Variants in ABLIM1 observed in about 807,000 individuals in gnomAD.
The protein encoded by ABLIM1 is actin-binding LIM protein 1.
In ABLIM1, 40 loss-of-function variants were observed where a neutral mutation model predicts 107.0. The observed-to-expected ratio is 0.37, with a 90% CI of 0.29 to 0.49. ABLIM1 has a LOEUF of 0.49. Ranked by LOEUF, ABLIM1 falls within the 20% of genes least tolerant of loss-of-function variation. The probability of loss-of-function intolerance (pLI) is 0.97; values close to 1 mark genes in which losing one functional copy is unlikely to be tolerated. For synonymous variants in ABLIM1, 357 were observed against 357.3 expected, an observed-to-expected ratio of 1.00 and a Z score of 0.01; for missense variants, 857 against 1,008.5, an observed-to-expected ratio of 0.85 and a Z score of 2.04.
the ABLIM1 span, among the ~76,000 whole-genome samples, chr10:114,780,057 G>A: frequency 2.6e-5 from 4 of 152,056 alleles, no homozygotes; most frequent in African/African-American, 7.2e-5. Context: ...ATAAATAAAA[G>A]GGCTGTGGCT....
At chr10:114,625,046 C>G (rs903640340) in intron 1 of ABLIM1, among the ~76,000 whole-genome samples, 1 of 152,108 alleles carries the variant, frequency 6.6e-6, no homozygotes, top group East Asian at 1.9e-4. Context: ...AAACTTGTAG[C>G]CTTGTAGTGT....
chr10:114,613,694 G>A, intron 1 of ABLIM1: 1 of 1,323,634 alleles, frequency 7.6e-7, no homozygotes, highest in Non-Finnish European at 1.0e-6. Context: ...ACTGGGAGAT[G>A]AAAGCATGAG....
rs2081444160 is a variant in ABLIM1, at chr10:114,707,335, C to T, written c.-213+60726G>A. ...GCAATCTCTGCCTCCCAGGTTCAAG[C>T]GATTCTCCAGCCTCAGCCTTCCGAG... On this transcript the variant is annotated intron_variant, in intron 1 of 15. Coordinates refer to the ABLIM1 transcript ENST00000651092. The surrounding 1 kb of genome is among the most constrained non-coding windows in gnomAD (Gnocchi z 4.1). Among the ~76,000 whole-genome samples, 1 of 152,090 alleles carries T rather than the reference C, an allele frequency of 6.6e-6. No individual in the cohort carries two copies. The highest frequency in any genetic ancestry group is 2.4e-5 in the African/African-American group (1 of 41,432).
chr10:114,697,013 A>G (rs1296790760), intron 1 of ABLIM1, among the ~76,000 whole-genome samples: 1 of 152,184 alleles, frequency 6.6e-6, no homozygotes, highest in Non-Finnish European at 1.5e-5. Flanking sequence ...CTTCTGGTCC[A>G]TTCTGGGTTC....
upstream of ABLIM1, chr10:114,658,341 T>C: frequency 1.4e-6 from 2 of 1,448,484 alleles, no homozygotes. Flanking sequence ...GGAGATGTAT[T>C]TAAGTGATTA....
intron 4 of ABLIM1, among the ~76,000 whole-genome samples, chr10:114,551,766 G>A (rs968129653): frequency 6.6e-6 from 1 of 152,174 alleles, no homozygotes; most frequent in African/African-American, 2.4e-5. Context: ...CTAGAATCAG[G>A]TACCACGTGA....
At chr10:114,573,431 G>T (rs2071997156) in intron 3 of ABLIM1, among the ~76,000 whole-genome samples, 2 of 152,196 alleles carry the variant, frequency 1.3e-5, no homozygotes, top group African/African-American at 4.8e-5. Flanking sequence ...AGCAGTAAGT[G>T]CTCCTTTGCT....
intron 1 of ABLIM1, among the ~76,000 whole-genome samples, chr10:114,767,340 C>T (rs1591968522): frequency 6.6e-6 from 1 of 152,334 alleles, no homozygotes; most frequent in East Asian, 1.9e-4. Flanking sequence ...CAATTCACTT[C>T]ATTTTAATTG....
chr10:114,703,574 G>T (rs1420485785), intron 1 of ABLIM1, among the ~76,000 whole-genome samples: 3 of 152,156 alleles, frequency 2.0e-5, no homozygotes, highest in Non-Finnish European at 4.4e-5. Flanking sequence ...AGTACAAGGT[G>T]CCCACCTCTC....
At position 114,539,289 on chromosome 10, in the gene ABLIM1, T is replaced by TG. The variant is rs573290403; in HGVS notation, c.894+5715dup. 6.8e-3 allele frequency among the ~76,000 whole-genome samples: 1,028 copies of TG among 152,106 alleles called. 5 individuals are homozygous for TG. The highest frequency in any genetic ancestry group is 0.011 in the Non-Finnish European group (766 of 67,984). On this transcript the variant is annotated intron_variant, in intron 6 of 22. Coordinates refer to ENST00000533213, the MANE Select transcript of ABLIM1 (RefSeq NM_002313.7). Reference sequence around the variant, plus strand: ...AGGCGAATCACTTGAACCCAGGAGGTGGGGGGTGCAGTGAGCTGAGATCAT... The same window carrying TG: ...AGGCGAATCACTTGAACCCAGGAGGTGGGGGGGTGCAGTGAGCTGAGATCAT...
At chr10:114,719,503 T>G (rs1237111104) in intron 1 of ABLIM1, among the ~76,000 whole-genome samples, 2 of 152,252 alleles carry the variant, frequency 1.3e-5, no homozygotes, top group Non-Finnish European at 2.9e-5. Flanking sequence ...TCAAGGTCAC[T>G]GACCTCACCC....
upstream of ABLIM1, among the ~76,000 whole-genome samples, chr10:114,772,008 A>C (rs113541729): frequency 4.6e-3 from 708 of 152,262 alleles, 11 homozygotes; most frequent in African/African-American, 0.016. Context: ...ATCACTTCTC[A>C]TTCTGAACCT....
At chr10:114,713,749 C>T (rs988801203) in intron 1 of ABLIM1, among the ~76,000 whole-genome samples, 6 of 152,286 alleles carry the variant, frequency 3.9e-5, no homozygotes, top group South Asian at 2.1e-4. Context: ...TCACTCCTTT[C>T]GGTTACAGAA....
At chr10:114,714,150 G>C (rs1249500405) in intron 1 of ABLIM1, among the ~76,000 whole-genome samples, 1 of 152,190 alleles carries the variant, frequency 6.6e-6, no homozygotes, top group African/African-American at 2.4e-5. Flanking sequence ...GGAATTGAAT[G>C]CCTTCTCTTC....
intron 1 of ABLIM1, among the ~76,000 whole-genome samples, chr10:114,757,166 C>T (rs1268280732): frequency 6.6e-6 from 1 of 152,034 alleles, no homozygotes; most frequent in Admixed American, 6.5e-5. Context: ...TAATGAGAAA[C>T]CATAAATAAT....
intron 2 of ABLIM1, among the ~76,000 whole-genome samples, chr10:114,588,157 A>C (rs1288598326): frequency 6.6e-6 from 1 of 152,048 alleles, no homozygotes; most frequent in African/African-American, 2.4e-5. Context: ...TTCAATTTTC[A>C]ACTTTGAACT....
rs369952218 is a variant in ABLIM1, at chr10:114,704,302, C to CTATATATATA, written c.-213+63749_-213+63758dup. 2.8e-4 allele frequency among the ~76,000 whole-genome samples: 12 copies of CTATATATATA among 43,080 alleles called. 1 individual carries two copies. The highest frequency in any genetic ancestry group is 6.7e-4 in the African/African-American group (8 of 11,974). The allele number at this position is 43,080 out of a possible 152,430, so 28.3% of individuals were successfully genotyped here. On this transcript the variant is annotated intron_variant, in intron 1 of 15. Coordinates refer to the ABLIM1 transcript ENST00000651092. ...TCTCTCTCTCTCTCTCTCTCTCTCT[C>CTATATATATA]TATATATATATATATATATATATAT... is the stretch of plus-strand genomic sequence containing the variant.
intron 1 of ABLIM1, among the ~76,000 whole-genome samples, chr10:114,715,203 C>G (rs1406718532): frequency 1.3e-5 from 2 of 152,140 alleles, no homozygotes; most frequent in Non-Finnish European, 2.9e-5. Flanking sequence ...CCCAGACAGG[C>G]TAAGGGCCAA....
At chr10:114,712,102 C>G (rs1566263628) in intron 1 of ABLIM1, among the ~76,000 whole-genome samples, 1 of 152,034 alleles carries the variant, frequency 6.6e-6, no homozygotes, top group Non-Finnish European at 1.5e-5. Context: ...CCTGTAATCC[C>G]AGCACGTTGG....
Sources: allele counts gnomAD v4.1 joint callset (sites outside exome capture counted in the v4.1 genomes callset), GRCh38; gene constraint gnomAD v4.1.1; non-coding constraint Gnocchi (gnomAD v3.1); transcripts MANE v1.5; gene names NCBI Gene and HGNC (gene_info 2026-07-23, HGNC 2026-07-21).